Variants in FAM153A observed in about 807,000 individuals in gnomAD.
The protein encoded by FAM153A is family with sequence similarity 153 member A.
Under a neutral mutation model 48.1 loss-of-function variants are expected in FAM153A, and 12 were observed. The ratio of observed to expected loss-of-function variants is 0.25; its 90% CI spans 0.16 to 0.40. FAM153A has a LOEUF of 0.40. FAM153A is among the 10% of genes least tolerant of loss of function. The probability of loss-of-function intolerance (pLI) is 1.00; values close to 1 mark genes in which losing one functional copy is unlikely to be tolerated. For missense variants in FAM153A, 111 were observed against 345.8 expected (o/e 0.32, Z 5.38); for synonymous variants, 36 against 118.2 (o/e 0.30, Z 4.51).
At chr5:177,703,174 G>C, downstream of FAM153A, among the ~76,000 whole-genome samples, 1 of 152,174 alleles carries the variant, frequency 6.6e-6, no homozygotes, top group Non-Finnish European at 1.5e-5. Flanking sequence ...GCTGAGCCTT[G>C]CAAAGCCACA....
At chr5:177,710,552 T>C (rs1279381651), downstream of FAM153A, among the ~76,000 whole-genome samples, 1 of 151,192 alleles carries the variant, frequency 6.6e-6, no homozygotes, top group Non-Finnish European at 1.5e-5. Context: ...GTGTTCAAAA[T>C]CTGGATTGCC....
the FAM153A span, among the ~76,000 whole-genome samples, chr5:177,694,819 C>G: frequency 2.3e-4 from 34 of 146,684 alleles, no homozygotes; most frequent in Admixed American, 1.8e-3. Flanking sequence ...TCTGCTTTTT[C>G]TTGTTGCTTT....
At chr5:177,716,190 G>T (rs1759743514) in intron 25 of FAM153A, among the ~76,000 whole-genome samples, 1 of 151,258 alleles carries the variant, frequency 6.6e-6, no homozygotes, top group Non-Finnish European at 1.5e-5. Context: ...CACCATGTTG[G>T]CCAGGATGGT....
At chr5:177,755,351 A>G (rs888839316), upstream of FAM153A, among the ~76,000 whole-genome samples, 2 of 151,928 alleles carry the variant, frequency 1.3e-5, no homozygotes, top group South Asian at 2.1e-4. Context: ...GACCAAATCT[A>G]TGTCTGATTG....
chr5:177,706,078 T>A (rs1297696680), downstream of FAM153A, among the ~76,000 whole-genome samples: 1 of 151,634 alleles, frequency 6.6e-6, no homozygotes. Flanking sequence ...TTCCACACAA[T>A]CCCTGTCAAA....
exon 27 of FAM153A, chr5:177,712,983 T>C (rs1758735484): frequency 6.6e-6 from 1 of 151,934 alleles, no homozygotes; most frequent in African/African-American, 2.4e-5. Context: ...GTCCATCTTG[T>C]CCATCTTTGA....
the FAM153A span, among the ~76,000 whole-genome samples, chr5:177,701,546 CAG>C: frequency 6.6e-6 from 1 of 151,542 alleles, no homozygotes. Flanking sequence ...GCCTGGGTGA[CAG>C]AGTGAGACTG....
At chr5:177,697,352 T>C in the FAM153A span, among the ~76,000 whole-genome samples, 1 of 151,802 alleles carries the variant, frequency 6.6e-6, no homozygotes, top group Non-Finnish European at 1.5e-5. Flanking sequence ...TTTAGCTGGG[T>C]GGTTTTGCTG....
At chr5:177,707,679 C>T (rs1410272746), downstream of FAM153A, among the ~76,000 whole-genome samples, 1 of 151,716 alleles carries the variant, frequency 6.6e-6, no homozygotes, top group Non-Finnish European at 1.5e-5. Context: ...CCTACCTCAG[C>T]CTCCCGAGTA....
chr5:177,705,828 T>G (rs1582094530), downstream of FAM153A, among the ~76,000 whole-genome samples: 1 of 150,988 alleles, frequency 6.6e-6, no homozygotes, highest in Admixed American at 6.6e-5. Context: ...CCCAGCTAAT[T>G]TTTGTATTTT....
Position 177,769,864 on chromosome 5 carries a change from C to G in FAM153A, c.-57+10585G>C, listed in dbSNP as rs1582535805. On this transcript the variant is annotated intron_variant, in intron 1 of 8. Coordinates refer to the FAM153A transcript ENST00000393518. Reference sequence around the variant, plus strand: ...CAGAGAGAAGCTTAAGAAACACCGGCGTGGTGTGCCAGGCTGCCAGGCAGT... The same window carrying G: ...CAGAGAGAAGCTTAAGAAACACCGGGGTGGTGTGCCAGGCTGCCAGGCAGT... Among the ~76,000 whole-genome samples, 2 of 96,882 alleles carry G rather than the reference C, an allele frequency of 2.1e-5. 1 individual carries two copies. The highest frequency in any genetic ancestry group is 7.6e-4 in the South Asian group (2 of 2,648). The allele number at this position is 96,882 out of a possible 152,430, so 63.6% of individuals were successfully genotyped here.
chr5:177,768,867 G>A (rs1582532098), intron 1 of FAM153A, among the ~76,000 whole-genome samples: 1 of 110,888 alleles, frequency 9.0e-6, no homozygotes, highest in Non-Finnish European at 1.9e-5. Context: ...CTAGGATCAC[G>A]TCATTCACCT....
At chr5:177,705,552 C>T (rs1260541845), downstream of FAM153A, among the ~76,000 whole-genome samples, 1 of 150,118 alleles carries the variant, frequency 6.7e-6, no homozygotes, top group Non-Finnish European at 1.5e-5. Context: ...TAACACATTC[C>T]ATTTACAATA....
intron 18 of FAM153A, among the ~76,000 whole-genome samples, chr5:177,725,880 C>T (rs996352115): frequency 2.6e-5 from 4 of 151,974 alleles, no homozygotes; most frequent in African/African-American, 7.3e-5. Flanking sequence ...AACAGCTAGA[C>T]TTGGGCCTCT....
rs560090064 is a variant in FAM153A at position 177,741,517 on chromosome 5, G to A, written c.365-185C>T. On this transcript the variant is annotated intron_variant, in intron 6 of 20. Transcript: ENST00000614127. ...GTCAATGAGACCATCAGGAAACCACGGAAGACAGAGCCTTGGCAGCACAGA... is the reference window on the plus strand; with the variant it reads ...GTCAATGAGACCATCAGGAAACCACAGAAGACAGAGCCTTGGCAGCACAGA... 5.4e-4 allele frequency among the ~76,000 whole-genome samples: 57 copies of A among 105,122 alleles called. 18 individuals carry two copies. The South Asian group carries it at 9.0e-3, about 17-fold the overall frequency. 69.0% of individuals were successfully genotyped at this position (105,122 alleles called of 152,430 possible). A position where few individuals can be genotyped will look rare whatever the true frequency, so the allele number is the denominator to read the frequency against.
At chr5:177,764,259 G>T (rs1417435471) in intron 1 of FAM153A, among the ~76,000 whole-genome samples, 1 of 150,614 alleles carries the variant, frequency 6.6e-6, no homozygotes, top group Non-Finnish European at 1.5e-5. Flanking sequence ...GGATGCCTAT[G>T]AACAGCTGGC....
chr5:177,716,227 C>T (rs1049339317), intron 25 of FAM153A: 3 of 151,400 alleles, frequency 2.0e-5, no homozygotes, highest in Non-Finnish European at 4.4e-5. Flanking sequence ...CATGATCCAC[C>T]CACCCCAGCC....
At chr5:177,781,180 G>A (rs1769607347), upstream of FAM153A, among the ~76,000 whole-genome samples, 1 of 111,744 alleles carries the variant, frequency 8.9e-6, no homozygotes, top group Non-Finnish European at 1.8e-5. Flanking sequence ...CTCACTGCAA[G>A]CTCCCCCTCC....
intron 4 of FAM153A, among the ~76,000 whole-genome samples, chr5:177,745,908 C>A (rs969634067): frequency 8.6e-5 from 13 of 151,450 alleles, no homozygotes; most frequent in African/African-American, 2.2e-4. Context: ...CCTACTCAAA[C>A]AAACCCTGGG....
Sources: gnomAD v4.1 joint callset for allele counts (sites outside exome capture counted in the v4.1 genomes callset) on GRCh38, gnomAD v4.1.1 for gene constraint, MANE v1.5 for transcripts, NCBI Gene and HGNC (gene_info 2026-07-23, HGNC 2026-07-21) for gene names.